DGKD: variants seen among roughly 807,000 people sequenced by gnomAD.
The protein encoded by DGKD is diacylglycerol kinase delta.
In DGKD, 68 loss-of-function variants were observed where a neutral mutation model predicts 154.4. The observed-to-expected ratio is 0.44, with a 90% CI of 0.36 to 0.54. The LOEUF is 0.54. Among genes scored for constraint, DGKD ranks in the 20% least tolerant of loss-of-function variants. The pLI is 0.00. For synonymous variants in DGKD, 693 were observed against 638.0 expected, an observed-to-expected ratio of 1.09 and a Z score of -1.30; for missense variants, 1,343 against 1,593.6, an observed-to-expected ratio of 0.84 and a Z score of 2.68.
Position 233,462,353 on chromosome 2 carries a change from G to A in DGKD, c.2987G>A (p.Arg996Gln), listed in dbSNP as rs765017713. ...QAAGVLIHSI[R>Q]EIAQSHRDME... is the part of the protein sequence containing the mutation. The stretch of plus-strand genomic sequence containing the variant: ...GTGCTTCTCTTCCTCTCTAGTATCC[G>A]AGAAATAGCTCAGTCTCACCGGGAC... The change falls in exon 25 of 30, where the codon CGA becomes CAA. Residue 996 changes from arginine (R) to glutamine (Q), a missense_variant. Arg to Gln is a conservative substitution (Grantham distance 43, BLOSUM62 1). Transcript: ENST00000264057. 32 of 1,597,950 alleles carry A rather than the reference G, an allele frequency of 2.0e-5. No individual in the cohort carries two copies. In the East Asian group the frequency reaches 5.4e-4, roughly 27 times the overall value.
chr2:233,388,678 G>A (rs563830116), intron 2 of DGKD: 34 of 222,844 alleles, frequency 1.5e-4, no homozygotes, highest in African/African-American at 7.5e-4. Flanking sequence ...AGGGAATCAC[G>A]GGGCTATGAA....
intron 3 of DGKD, among the ~76,000 whole-genome samples, chr2:233,432,119 T>C (rs560109495): frequency 1.8e-4 from 26 of 144,198 alleles, no homozygotes; most frequent in South Asian, 1.7e-3. Flanking sequence ...CTGCCAGGCG[T>C]GGTGGCTCAT....
intron 1 of DGKD, among the ~76,000 whole-genome samples, chr2:233,363,196 C>T (rs1197791211): frequency 2.6e-5 from 4 of 152,180 alleles, no homozygotes; most frequent in Non-Finnish European, 5.9e-5. Flanking sequence ...GCTCCATGCA[C>T]GTCATTGTCC....
chr2:233,448,219 T>A (rs368652145), intron 13 of DGKD, 38 bp downstream of exon 13: 3 of 1,614,006 alleles, frequency 1.9e-6, no homozygotes, highest in Non-Finnish European at 1.7e-6. Flanking sequence ...CATGGTGCCC[T>A]GGCCCCCAGC....
intron 1 of DGKD, chr2:233,386,137 G>T (rs1703162939): frequency 9.5e-6 from 3 of 317,212 alleles, no homozygotes; most frequent in South Asian, 2.4e-5. Flanking sequence ...AACTTTTCTG[G>T]GTTTTGGGTT....
chr2:233,437,399 C>T lies in DGKD; in HGVS notation c.842C>T (p.Ser281Phe). The T allele has an allele frequency of 6.2e-7, 1 of 1,614,226 alleles. No homozygotes were observed. The highest frequency in any genetic ancestry group is 8.5e-7 in the Non-Finnish European group (1 of 1,180,040). ...CAGGTTCACACATCGTGTAAAGAATCCTTGCTGACCAAGTGCCCACTTGGC... is the reference window on the plus strand; with the variant it reads ...CAGGTTCACACATCGTGTAAAGAATTCTTGCTGACCAAGTGCCCACTTGGC... ...KAMVHTSCKE[S>F]LLTKCPLGLC... Residue 281 changes from serine (S) to phenylalanine (F), a missense_variant, in exon 8 of 30, where the codon TCC (serine) becomes TTC (phenylalanine). Ser to Phe is a radical substitution (Grantham distance 155). This residue lies in a region of DGKD where 332 missense variants were observed against 400.1 expected (regional missense o/e 0.83). Coordinates refer to ENST00000264057, the MANE Select transcript of DGKD (RefSeq NM_152879.3).
At chr2:233,416,941 TCTTA>T (rs1258152305) in intron 3 of DGKD, among the ~76,000 whole-genome samples, 4 of 152,220 alleles carry the variant, frequency 2.6e-5, no homozygotes, top group African/African-American at 9.6e-5. Flanking sequence ...AAGCTTCTGG[TCTTA>T]CTTCTCCCAC....
At chr2:233,404,704 A>G (rs891013293) in intron 3 of DGKD, among the ~76,000 whole-genome samples, 2 of 151,984 alleles carry the variant, frequency 1.3e-5, no homozygotes, top group Non-Finnish European at 2.9e-5. Context: ...AGCAATATCA[A>G]GAAGAAGTTG....
chr2:233,367,189 A>G (rs1702071166), intron 1 of DGKD, among the ~76,000 whole-genome samples: 1 of 149,536 alleles, frequency 6.7e-6, no homozygotes, highest in Admixed American at 6.7e-5. Flanking sequence ...TATAACATCA[A>G]CTTTTTCAAG....
rs371673892 is a variant in DGKD at position 233,438,764 on chromosome 2, A to G, written c.1085+385A>G. On this transcript the variant is annotated intron_variant, in intron 9 of 29. Coordinates refer to ENST00000264057, the MANE Select transcript of DGKD (RefSeq NM_152879.3). This position sits in a 1 kb window ranked among gnomAD's most constrained non-coding sequence, Gnocchi z 4.1. ...TTATCTGTCTATCTATCATCTATCTATCTATCTATCTATCTATCTATCTAT... is the reference window on the plus strand; with the variant it reads ...TTATCTGTCTATCTATCATCTATCTGTCTATCTATCTATCTATCTATCTAT... Among the ~76,000 whole-genome samples the G allele has an allele frequency of 0.097, 5,956 of 61,468 alleles. 155 individuals carry two copies. The highest frequency in any genetic ancestry group is 0.16 in the South Asian group (221 of 1,372). 40.3% of individuals were successfully genotyped at this position (61,468 alleles called of 152,430 possible).
At chr2:233,404,200 T>C (rs894141205) in intron 3 of DGKD, among the ~76,000 whole-genome samples, 1 of 152,190 alleles carries the variant, frequency 6.6e-6, no homozygotes, top group Non-Finnish European at 1.5e-5. Context: ...TGAGTCTCTG[T>C]AATGATCGTT....
At chr2:233,426,692 C>G (rs896219667) in intron 3 of DGKD, among the ~76,000 whole-genome samples, 1 of 152,130 alleles carries the variant, frequency 6.6e-6, no homozygotes, top group African/African-American at 2.4e-5. Context: ...AGTAGTGATG[C>G]TATGAACATT....
rs1328547741 is a variant in DGKD at position 233,445,130 on chromosome 2, C to T, written c.1195-493C>T. On this transcript the variant is annotated intron_variant, in intron 10 of 29. Coordinates refer to ENST00000264057, the MANE Select transcript of DGKD (RefSeq NM_152879.3). The surrounding 1 kb of genome is among the most constrained non-coding windows in gnomAD (Gnocchi z 5.5). ...GCCTCCAGACTGAGGATGGTCCTGG[C>T]ACCTTTTTTGGATAGGATTTAGAGG... Among the ~76,000 whole-genome samples the T allele has an allele frequency of 1.3e-5, 2 of 152,126 alleles. No homozygotes were observed. Among genetic ancestry groups the T allele is most frequent in the African/African-American group, 2.4e-5 (1 of 41,428 alleles).
chr2:233,468,880 T>C (rs1353162670), intron 29 of DGKD, among the ~76,000 whole-genome samples: 1 of 152,242 alleles, frequency 6.6e-6, no homozygotes, highest in Non-Finnish European at 1.5e-5. Flanking sequence ...CCCATGCTGC[T>C]CCTGGGCGGG....
At chr2:233,467,653 G>A (rs146248797) in intron 28 of DGKD, among the ~76,000 whole-genome samples, 1 of 152,210 alleles carries the variant, frequency 6.6e-6, no homozygotes, top group Non-Finnish European at 1.5e-5. Flanking sequence ...GAAATCAATC[G>A]AATATGGTCC....
chr2:233,390,683 A>G (rs1055831973), intron 3 of DGKD, among the ~76,000 whole-genome samples, 200 bp downstream of exon 3: 1 of 152,218 alleles, frequency 6.6e-6, no homozygotes, highest in Non-Finnish European at 1.5e-5. Context: ...ATAAGCACAA[A>G]AGGACAATAG....
At chr2:233,424,774 G>A (rs1201736834) in intron 3 of DGKD, among the ~76,000 whole-genome samples, 1 of 152,238 alleles carries the variant, frequency 6.6e-6, no homozygotes, top group African/African-American at 2.4e-5. Flanking sequence ...AAGCTGAATG[G>A]AGCAGATAAC....
chr2:233,448,176 G>C lies in DGKD; in HGVS notation c.1509G>C (p.Ser503=). 6.2e-7 allele frequency: 1 copy of C among 1,613,938 alleles called. No homozygotes were observed. Among genetic ancestry groups the C allele is most frequent in the Non-Finnish European group, 8.5e-7 (1 of 1,179,968 alleles). ...ACCAGCACTCGGTGGTCATCTCCTC[G>C]GCCAAGTGAGTGCCTGGTGGCCCTG... ...TSDQHSVVIS[S]AKVLCETVKD... Residue 503 remains serine (S), a synonymous_variant, in exon 13 of 30, where the codon TCG becomes TCC. Coordinates refer to ENST00000264057, the MANE Select transcript of DGKD (RefSeq NM_152879.3).
At chr2:233,415,534 A>G (rs2061619438) in intron 3 of DGKD, among the ~76,000 whole-genome samples, 1 of 152,240 alleles carries the variant, frequency 6.6e-6, no homozygotes, top group Non-Finnish European at 1.5e-5. Flanking sequence ...AGGAGGTTGT[A>G]TAGGCAAATG....
Sources: gnomAD v4.1 joint callset for allele counts (sites outside exome capture counted in the v4.1 genomes callset) on GRCh38, gnomAD v4.1.1 for gene constraint, gnomAD v4.1.1 regional missense constraint, Gnocchi (gnomAD v3.1) non-coding constraint, MANE v1.5 for transcripts, NCBI Gene and HGNC (gene_info 2026-07-23, HGNC 2026-07-21) for gene names.